Variants in KALRN observed in about 807,000 individuals in gnomAD.
KALRN encodes kalirin RhoGEF kinase.
A neutral mutation model predicts 353.7 loss-of-function variants in KALRN; 70 were observed. That is an observed-to-expected ratio of 0.20 (90% confidence interval 0.16 to 0.24). The LOEUF is 0.24. Among genes scored for constraint, KALRN ranks in the 10% least tolerant of loss-of-function variants. The pLI, the probability that KALRN is intolerant of heterozygous loss-of-function variation, is 1.00. For synonymous variants in KALRN, 1,391 were observed against 1,434.8 expected (o/e 0.97, Z 0.69); for missense variants, 2,791 against 3,756.7 (o/e 0.74, Z 6.72).
intron 34 of KALRN, among the ~76,000 whole-genome samples, chr3:124,595,296 A>C (rs1289987668): frequency 3.3e-5 from 5 of 152,080 alleles, no homozygotes; most frequent in Non-Finnish European, 7.3e-5. Context: ...GGTATACTGG[A>C]GCCAGCTCAG....
chr3:124,520,036 A>C (rs2067029871), intron 33 of KALRN, among the ~76,000 whole-genome samples: 1 of 152,062 alleles, frequency 6.6e-6, no homozygotes, highest in South Asian at 2.1e-4. Flanking sequence ...AATCATATCA[A>C]CCACAGCAAT....
chr3:124,167,699 C>G (rs557020895), intron 1 of KALRN, among the ~76,000 whole-genome samples: 43 of 152,304 alleles, frequency 2.8e-4, no homozygotes, highest in African/African-American at 1.0e-3. Context: ...TAGTAAATTA[C>G]CATTGCAGCA....
At chr3:124,194,003 TG>T (rs1425657312) in intron 1 of KALRN, among the ~76,000 whole-genome samples, 1 of 152,194 alleles carries the variant, frequency 6.6e-6, no homozygotes, top group East Asian at 1.9e-4. Context: ...AACTAGGCTT[TG>T]CATCTGTATC....
chr3:124,718,397 A>C (rs1271542040), intron 59 of KALRN, among the ~76,000 whole-genome samples: 1 of 152,190 alleles, frequency 6.6e-6, no homozygotes, highest in Non-Finnish European at 1.5e-5. Context: ...CTGGGATTAT[A>C]GGTGTGAGCC....
intron 14 of KALRN, among the ~76,000 whole-genome samples, chr3:124,415,715 C>A (rs1439867363): frequency 6.6e-6 from 1 of 152,156 alleles, no homozygotes; most frequent in African/African-American, 2.4e-5. Context: ...TGTGGCCCAG[C>A]AATCTGTGGT....
At chr3:124,313,957 G>T (rs968575383) in intron 6 of KALRN, among the ~76,000 whole-genome samples, 4 of 152,186 alleles carry the variant, frequency 2.6e-5, no homozygotes, top group Non-Finnish European at 4.4e-5. Flanking sequence ...TCTAGTTCTA[G>T]ATCCTTGAGG....
intron 34 of KALRN, among the ~76,000 whole-genome samples, chr3:124,577,228 G>A (rs2074203011): frequency 6.6e-6 from 1 of 152,084 alleles, no homozygotes; most frequent in Admixed American, 6.5e-5. Context: ...AAAAAAAAGA[G>A]GGTGGCTGCA....
chr3:124,232,421 G>T (rs1205742083), intron 2 of KALRN, among the ~76,000 whole-genome samples: 1 of 152,070 alleles, frequency 6.6e-6, no homozygotes, highest in Non-Finnish European at 1.5e-5. Context: ...TGTCCCTCAG[G>T]CAGGCTGAAC....
At chr3:124,641,448 G>A (rs975313958) in intron 37 of KALRN, among the ~76,000 whole-genome samples, 3 of 152,202 alleles carry the variant, frequency 2.0e-5, no homozygotes, top group Non-Finnish European at 2.9e-5. Context: ...TTTTCTAGAC[G>A]TGTGGACTGT....
At chr3:124,204,668 A>G (rs937556960) in intron 1 of KALRN, among the ~76,000 whole-genome samples, 2 of 150,624 alleles carry the variant, frequency 1.3e-5, no homozygotes, top group Non-Finnish European at 3.0e-5. Flanking sequence ...GCTTTGGATT[A>G]TCTGTGCTGC....
rs752783614 is a variant in KALRN at position 124,170,831 on chromosome 3, C to CTTTTTTTTTTT, written c.74-57130_74-57120dup. Among the ~76,000 whole-genome samples, 18 of 47,148 alleles carry CTTTTTTTTTTT rather than the reference C, an allele frequency of 3.8e-4. 2 individuals are homozygous for CTTTTTTTTTTT. The highest frequency in any genetic ancestry group is 6.4e-4 in the African/African-American group (8 of 12,584). The allele number at this position is 47,148 out of a possible 152,430, so 30.9% of individuals were successfully genotyped here. ...TATAAACTCCTTCCACTTCCACATT[C>CTTTTTTTTTTT]TTTTTTTTTTTTTTTTTTTTTTTTT... On this transcript the variant is annotated intron_variant, in intron 1 of 59. Transcript: ENST00000682506.
intron 1 of KALRN, among the ~76,000 whole-genome samples, chr3:124,109,780 T>C (rs1324361733): frequency 3.8e-5 from 3 of 78,582 alleles, no homozygotes; most frequent in Non-Finnish European, 7.0e-5. Flanking sequence ...ATATGACATA[T>C]ATATCATACT....
At chr3:124,287,577 C>T (rs188216145) in intron 5 of KALRN, among the ~76,000 whole-genome samples, 173 of 151,466 alleles carry the variant, frequency 1.1e-3, no homozygotes, top group African/African-American at 4.1e-3. Context: ...TTTCAAGGAT[C>T]ATTGGTCTAT....
chr3:124,593,118 T>C (rs1438837219), intron 34 of KALRN, among the ~76,000 whole-genome samples: 1 of 152,212 alleles, frequency 6.6e-6, no homozygotes, highest in Non-Finnish European at 1.5e-5. Context: ...ATATTCTCAG[T>C]TTCTGCTCTC....
intron 33 of KALRN, among the ~76,000 whole-genome samples, chr3:124,537,787 T>G (rs1437334589): frequency 1.3e-5 from 2 of 152,216 alleles, no homozygotes; most frequent in East Asian, 3.8e-4. Context: ...AGAAACCTTA[T>G]GTGGTATGCT....
chr3:124,152,286 T>A, intron 1 of KALRN: 1 of 1,246,350 alleles, frequency 8.0e-7, no homozygotes, highest in Non-Finnish European at 1.2e-6. Flanking sequence ...TATATGGTTC[T>A]ACAGTCCTCA....
At chr3:124,236,418 A>G (rs2079772640) in intron 3 of KALRN, among the ~76,000 whole-genome samples, 1 of 152,232 alleles carries the variant, frequency 6.6e-6, no homozygotes, top group African/African-American at 2.4e-5. Flanking sequence ...GCAGTTTTTT[A>G]AAGCACTTTT....
At chr3:124,522,732 T>C (rs1577701530) in intron 33 of KALRN, among the ~76,000 whole-genome samples, 1 of 152,356 alleles carries the variant, frequency 6.6e-6, no homozygotes, top group African/African-American at 2.4e-5. Context: ...GACCACAGTC[T>C]GAGAACCACT....
chr3:124,650,877 C>G lies in KALRN; in HGVS notation c.5734C>G (p.Pro1912Ala), dbSNP rs1159110066. The G allele has an allele frequency of 1.9e-6, 3 of 1,614,012 alleles. No individual in the cohort carries two copies. Among genetic ancestry groups the G allele is most frequent in the Non-Finnish European group, 2.5e-6 (3 of 1,179,992 alleles). ...AGGCTGCCTGAATGAGGGGATGGCC[C>G]CACCCACACCTCCTAAAAACCCAGA... The part of the protein sequence containing the change: ...PAGCLNEGMA[P>A]PTPPKNPEEE... The change falls in exon 38 of 60, where the codon CCA (proline) becomes GCA (alanine). Residue 1912 changes from proline to alanine, a missense_variant. By Grantham distance (27) the Pro-to-Ala change is conservative. Coordinates refer to ENST00000682506, the MANE Select transcript of KALRN (RefSeq NM_001388419.1).
Sources: gnomAD v4.1 joint callset for allele counts (sites outside exome capture counted in the v4.1 genomes callset) on GRCh38, gnomAD v4.1.1 for gene constraint, MANE v1.5 for transcripts, NCBI Gene and HGNC (gene_info 2026-07-23, HGNC 2026-07-21) for gene names.